The following CGNL1 variants were observed in gnomAD, a reference collection of about 807,000 sequenced individuals.
The protein encoded by CGNL1 is cingulin-like protein 1.
A neutral mutation model predicts 141.2 loss-of-function variants in CGNL1; 132 were observed. The observed-to-expected ratio is 0.93, with a 90% CI of 0.81 to 1.08. CGNL1 has a LOEUF of 1.08. Ranked by LOEUF, CGNL1 falls within the 50% of genes least tolerant of loss-of-function variation. CGNL1 has a pLI of 0.00. For missense variants in CGNL1, 1,870 were observed against 1,588.6 expected (o/e 1.18, Z -3.01); for synonymous variants, 690 against 622.1 (o/e 1.11, Z -1.63).
rs200180268 is a variant in CGNL1 at position 57,516,903 on chromosome 15, C to T, written c.2527C>T (p.Arg843Trp). The T allele has an allele frequency of 3.4e-5, 55 of 1,613,448 alleles. No homozygotes were observed. The African/African-American group carries it at 4.4e-4, about 13-fold the overall frequency. ...KLQGRSEELE[R>W]RVAQLQRQIE... The stretch of plus-strand genomic sequence containing the variant: ...GCAGGGAAGAAGCGAAGAGCTGGAG[C>T]GGAGAGTTGCTCAGCTTCAAAGGCA... Residue 843 changes from arginine to tryptophan, a missense_variant, in exon 9 of 19, where the codon CGG (arginine) becomes TGG (tryptophan). By Grantham distance (101) the Arg-to-Trp change is moderately radical (BLOSUM62 -3). Coordinates refer to ENST00000281282, the MANE Select transcript of CGNL1 (RefSeq NM_032866.5).
At chr15:57,498,644 GA>G (rs1187680678) in intron 8 of CGNL1, among the ~76,000 whole-genome samples, 86 of 152,186 alleles carry the variant, frequency 5.7e-4, no homozygotes, top group African/African-American at 1.9e-3. Context: ...GAAAACATAA[GA>G]AAAAAATCAT....
chr15:57,469,248 A>G (rs2063549776), intron 8 of CGNL1, among the ~76,000 whole-genome samples: 2 of 151,768 alleles, frequency 1.3e-5, no homozygotes, highest in Non-Finnish European at 2.9e-5. Context: ...CTGAGCAGGC[A>G]TCGTCTCTGG....
rs768383687 is a variant in CGNL1 at position 57,523,681 on chromosome 15, G to A, written c.2868+40G>A. 1.4e-5 allele frequency: 22 copies of A among 1,607,822 alleles called. No individual in the cohort carries two copies. The African/African-American group carries it at 2.0e-4, about 15-fold the overall frequency. On this transcript the variant is annotated intron_variant, in intron 11 of 18. Coordinates refer to ENST00000281282, the MANE Select transcript of CGNL1 (RefSeq NM_032866.5). ...GAGGAAAGAGGAAGTAGGGCCAGAT[G>A]TCTTTGTTGGACCCAGTCCCCTCTG...
At chr15:57,447,739 A>C (rs1268994482) in intron 4 of CGNL1, among the ~76,000 whole-genome samples, 2 of 151,562 alleles carry the variant, frequency 1.3e-5, no homozygotes, top group Non-Finnish European at 2.9e-5. Context: ...TCAGACTCCA[A>C]TTACATGTAT....
At chr15:57,538,299 G>T (rs2140215444) in intron 14 of CGNL1, among the ~76,000 whole-genome samples, 1 of 152,330 alleles carries the variant, frequency 6.6e-6, no homozygotes, top group Admixed American at 6.5e-5. Flanking sequence ...TTTGCCAAAA[G>T]CCTGGGTTTG....
At chr15:57,487,981 G>A (rs942513530) in intron 8 of CGNL1, among the ~76,000 whole-genome samples, 6 of 152,118 alleles carry the variant, frequency 3.9e-5, no homozygotes, top group African/African-American at 1.4e-4. Flanking sequence ...TTCCCAAAAT[G>A]TTTTCCAAAG....
chr15:57,475,591 A>G (rs2063645014), intron 8 of CGNL1, among the ~76,000 whole-genome samples: 1 of 151,722 alleles, frequency 6.6e-6, no homozygotes, highest in Non-Finnish European at 1.5e-5. Flanking sequence ...AAGCCTAGTT[A>G]ATGAGCAATA....
intron 15 of CGNL1, 115 bp from the exon 16 acceptor site, chr15:57,544,358 A>G: frequency 1.5e-6 from 2 of 1,317,668 alleles, no homozygotes; most frequent in Admixed American, 2.2e-5. Context: ...CTGGTGTGGA[A>G]AGCAGCCTCA....
chr15:57,465,149 T>C (rs2063495595), intron 8 of CGNL1, among the ~76,000 whole-genome samples: 1 of 152,182 alleles, frequency 6.6e-6, no homozygotes, highest in Admixed American at 6.6e-5. Flanking sequence ...TAGAGTCATA[T>C]TTTATGGGGG....
chr15:57,420,461 C>G (rs1381241155), intron 1 of CGNL1, among the ~76,000 whole-genome samples: 1 of 152,194 alleles, frequency 6.6e-6, no homozygotes, highest in African/African-American at 2.4e-5. Flanking sequence ...AACCTCCTCC[C>G]CTTGCATGTC....
At chr15:57,384,259 C>A (rs1345242498) in intron 1 of CGNL1, among the ~76,000 whole-genome samples, 1 of 152,022 alleles carries the variant, frequency 6.6e-6, no homozygotes, top group Non-Finnish European at 1.5e-5. Context: ...GAGAGAGTTG[C>A]CAGACACTTT....
chr15:57,477,971 G>A (rs1567142783), intron 8 of CGNL1, among the ~76,000 whole-genome samples: 1 of 152,220 alleles, frequency 6.6e-6, no homozygotes, highest in South Asian at 2.1e-4. Context: ...TTGCCCCTGT[G>A]TAGCCACTGG....
chr15:57,467,535 G>A (rs147242467), intron 8 of CGNL1, among the ~76,000 whole-genome samples: 4 of 152,198 alleles, frequency 2.6e-5, no homozygotes, highest in Admixed American at 2.0e-4. Flanking sequence ...TGAGTGGACC[G>A]TGCTCGGATC....
Position 57,442,353 on chromosome 15 carries a change from C to G in CGNL1, c.1698-20C>G, listed in dbSNP as rs541624841. On this transcript the variant is annotated intron_variant, in intron 3 of 18. Coordinates refer to ENST00000281282, the MANE Select transcript of CGNL1 (RefSeq NM_032866.5). ...CAGTGGTTGTGTCCCTCATTGTTTT[C>G]TCTGCTGTCCCTTTTTCAGAAGCAC... The G allele has an allele frequency of 6.6e-6, 10 of 1,517,502 alleles. No homozygotes were observed. In the East Asian group the frequency reaches 1.8e-4, roughly 27 times the overall value. 94.0% of individuals were successfully genotyped at this position (1,517,502 alleles called of 1,614,324 possible).
At chr15:57,546,918 CAG>C (rs575393192) in intron 18 of CGNL1, among the ~76,000 whole-genome samples, 210 of 152,258 alleles carry the variant, frequency 1.4e-3, no homozygotes, top group African/African-American at 4.8e-3. Flanking sequence ...TCCTGTAAAA[CAG>C]GGCCTATCAG....
At chr15:57,517,968 C>G (rs1267069964) in intron 9 of CGNL1, among the ~76,000 whole-genome samples, 1 of 149,068 alleles carries the variant, frequency 6.7e-6, no homozygotes, top group Non-Finnish European at 1.5e-5. Flanking sequence ...GTTTTCAGAT[C>G]TCCAGGAATA....
chr15:57,440,537 TC>T, intron 3 of CGNL1, 66 bp downstream of exon 3: 1 of 1,266,042 alleles, frequency 7.9e-7, no homozygotes, highest in Non-Finnish European at 1.1e-6. Context: ...AATTTCCTTT[TC>T]CGAGGCTTTA....
intron 1 of CGNL1, among the ~76,000 whole-genome samples, chr15:57,390,156 C>G (rs2062526755): frequency 6.6e-6 from 1 of 152,208 alleles, no homozygotes; most frequent in South Asian, 2.1e-4. Flanking sequence ...TTCATTTTCC[C>G]CTCGCTCAGC....
intron 14 of CGNL1, among the ~76,000 whole-genome samples, chr15:57,541,641 T>C (rs2032570684): frequency 6.6e-6 from 1 of 152,170 alleles, no homozygotes; most frequent in Non-Finnish European, 1.5e-5. Flanking sequence ...TGCCCTTCTG[T>C]GCCCGGATGT....
Sources: allele counts gnomAD v4.1 joint callset (sites outside exome capture counted in the v4.1 genomes callset), GRCh38; gene constraint gnomAD v4.1.1; transcripts MANE v1.5; gene names NCBI Gene and HGNC (gene_info 2026-07-23, HGNC 2026-07-21).